The following EYS variants were observed in gnomAD, a reference collection of about 807,000 sequenced individuals.
The protein encoded by EYS is protein eyes shut homolog.
EYS carries 250 observed loss-of-function variants against 282.1 expected under a neutral mutation model. The observed-to-expected ratio is 0.89, with a 90% confidence interval of 0.80 to 0.98. EYS has a LOEUF of 0.98. Ranked by LOEUF, EYS falls within the 50% of genes least tolerant of loss-of-function variation. The probability of loss-of-function intolerance (pLI) is 0.00; values close to 1 mark genes in which losing one functional copy is unlikely to be tolerated. For missense variants in EYS, 4,016 were observed against 3,709.0 expected (o/e 1.08, Z -2.15); for synonymous variants, 1,355 against 1,282.9 (o/e 1.06, Z -1.20).
chr6:65,674,962 A>C (rs1279615527), intron 1 of EYS, among the ~76,000 whole-genome samples: 1 of 152,028 alleles, frequency 6.6e-6, no homozygotes, highest in Non-Finnish European at 1.5e-5. Flanking sequence ...TGACAGTAAC[A>C]GAAAGTGTAT....
At chr6:64,256,828 G>A (rs945747400) in intron 30 of EYS, among the ~76,000 whole-genome samples, 5 of 151,984 alleles carry the variant, frequency 3.3e-5, no homozygotes, top group African/African-American at 4.8e-5. Context: ...ATATGCCCAC[G>A]AGAGGCAGAG....
chr6:64,133,649 C>T (rs573571574), intron 31 of EYS, among the ~76,000 whole-genome samples: 1 of 151,936 alleles, frequency 6.6e-6, no homozygotes, highest in South Asian at 2.1e-4. Flanking sequence ...GTATTTTTAC[C>T]ATTATTCAAT....
chr6:65,060,560 C>A (rs1315508730), intron 12 of EYS, among the ~76,000 whole-genome samples: 2 of 151,814 alleles, frequency 1.3e-5, no homozygotes, highest in African/African-American at 2.4e-5. Context: ...TTCTTGTTCA[C>A]CCTCTTACCC....
chr6:64,715,365 G>A (rs1475067908), intron 22 of EYS, among the ~76,000 whole-genome samples: 1 of 152,146 alleles, frequency 6.6e-6, no homozygotes, highest in South Asian at 2.1e-4. Flanking sequence ...CACAAAGATA[G>A]CATGATGGAA....
chr6:65,129,445 G>A (rs1022060474), intron 12 of EYS, among the ~76,000 whole-genome samples: 2 of 151,564 alleles, frequency 1.3e-5, no homozygotes, highest in Non-Finnish European at 3.0e-5. Context: ...GAATCTATAA[G>A]AAATTTGAAG....
Position 64,755,102 on chromosome 6 carries a change from A to G in EYS, c.3443+58276T>C, listed in dbSNP as rs147410896. Among the ~76,000 whole-genome samples the G allele has an allele frequency of 9.1e-4, 138 of 152,288 alleles. No individual in the cohort carries two copies. The East Asian group carries it at 0.023, about 25-fold the overall frequency. ...AATGATATCAGTAAAGTTTCAGGAT[A>G]AAAAATCAACATACAAAAGTCAGTA... On this transcript the variant is annotated intron_variant, in intron 22 of 42. Coordinates refer to ENST00000503581, the MANE Select transcript of EYS (RefSeq NM_001142800.2).
chr6:64,818,951 C>T (rs1235987406), intron 21 of EYS, among the ~76,000 whole-genome samples: 3 of 152,168 alleles, frequency 2.0e-5, no homozygotes, highest in Non-Finnish European at 4.4e-5. Flanking sequence ...GCTTGTCTTG[C>T]TGCCCATCCA....
At chr6:64,700,879 C>T (rs1053656467) in intron 22 of EYS, among the ~76,000 whole-genome samples, 17 of 151,972 alleles carry the variant, frequency 1.1e-4, no homozygotes, top group African/African-American at 4.1e-4. Context: ...TTCTAAAATT[C>T]ATATGGAACC....
intron 22 of EYS, among the ~76,000 whole-genome samples, chr6:64,670,008 T>C (rs1465250048): frequency 6.6e-6 from 1 of 152,144 alleles, no homozygotes; most frequent in African/African-American, 2.4e-5. Context: ...TTTTAAAAAC[T>C]CTTATAAGCT....
intron 22 of EYS, among the ~76,000 whole-genome samples, chr6:64,652,446 A>C (rs944874478): frequency 3.3e-5 from 5 of 152,160 alleles, no homozygotes; most frequent in African/African-American, 1.2e-4. Context: ...TCTACCTGAC[A>C]AAAAATGGAA....
intron 12 of EYS, among the ~76,000 whole-genome samples, chr6:65,151,761 A>G (rs895102020): frequency 6.6e-6 from 1 of 151,960 alleles, no homozygotes; most frequent in Non-Finnish European, 1.5e-5. Context: ...TCAACATATA[A>G]TACATTATAT....
chr6:64,625,893 A>C (rs1767593157), intron 23 of EYS, among the ~76,000 whole-genome samples: 9 of 152,184 alleles, frequency 5.9e-5, no homozygotes, highest in Admixed American at 5.9e-4. Flanking sequence ...TTACACTCTA[A>C]ACATTAAGAT....
intron 2 of EYS, among the ~76,000 whole-genome samples, chr6:65,518,717 G>C (rs569024032): frequency 6.6e-6 from 1 of 152,144 alleles, no homozygotes; most frequent in East Asian, 1.9e-4. Flanking sequence ...CCCAAGACTG[G>C]GTAATTTATA....
In EYS at chr6:65,687,113, T is replaced by C. The variant is rs114192859; in HGVS notation, c.-448+20022A>G. Among the ~76,000 whole-genome samples the C allele has an allele frequency of 3.3e-3, 509 of 152,196 alleles. 6 individuals are homozygous for C. The highest frequency in any genetic ancestry group is 0.012 in the African/African-American group (489 of 41,556). ...GATGCATTAGCCATATTACTGTTCT[T>C]CTTGTGTTTTTGAAACCAAGAAATA... On this transcript the variant is annotated intron_variant, in intron 1 of 42. Transcript: ENST00000503581.
chr6:65,274,293 A>G (rs1455438350), intron 12 of EYS, among the ~76,000 whole-genome samples: 1 of 152,198 alleles, frequency 6.6e-6, no homozygotes. Flanking sequence ...GAATTGAAAA[A>G]TGCAGGGGTG....
intron 34 of EYS, among the ~76,000 whole-genome samples, chr6:63,997,864 T>C (rs1040772607): frequency 2.0e-5 from 3 of 152,154 alleles, no homozygotes; most frequent in African/African-American, 7.2e-5. Flanking sequence ...TCTTTCAATA[T>C]AAAAAATGGG....
intron 29 of EYS, among the ~76,000 whole-genome samples, chr6:64,344,268 A>C (rs1352696749): frequency 6.6e-6 from 1 of 152,132 alleles, no homozygotes; most frequent in Admixed American, 6.6e-5. Flanking sequence ...AGAGGATTTT[A>C]GACCAATATC....
intron 11 of EYS, chr6:65,329,438 T>G: frequency 3.2e-6 from 3 of 942,192 alleles, no homozygotes; most frequent in Non-Finnish European, 2.5e-6. Context: ...TAGAGCATAA[T>G]AAAGAGAGAA....
chr6:64,442,349 T>G (rs1233954936), intron 26 of EYS, among the ~76,000 whole-genome samples: 1 of 152,112 alleles, frequency 6.6e-6, no homozygotes, highest in Non-Finnish European at 1.5e-5. Flanking sequence ...TTAAAGGCAT[T>G]CAGTTTTATA....
Sources: allele counts gnomAD v4.1 joint callset (sites outside exome capture counted in the v4.1 genomes callset), GRCh38; gene constraint gnomAD v4.1.1; transcripts MANE v1.5; gene names NCBI Gene and HGNC (gene_info 2026-07-23, HGNC 2026-07-21).